Variants in CPSF6 observed in about 807,000 individuals in gnomAD.
The protein encoded by CPSF6 is cleavage and polyadenylation specific factor 6, also known as cleavage and polyadenylation specificity factor subunit 6.
In CPSF6, 10 loss-of-function variants were observed where a neutral mutation model predicts 56.7. The observed-to-expected ratio is 0.18, with a 90% CI of 0.11 to 0.30. The LOEUF (loss-of-function observed/expected upper bound fraction) is 0.30. Among genes scored for constraint, CPSF6 ranks in the 10% least tolerant of loss-of-function variants. CPSF6 has a pLI of 1.00. For synonymous variants in CPSF6, 248 were observed against 244.8 expected (o/e 1.01, Z -0.12); for missense variants, 419 against 722.9 (o/e 0.58, Z 4.82).
chr12:69,265,692 T>C (rs1476836915), intron 9 of CPSF6, among the ~76,000 whole-genome samples: 1 of 145,618 alleles, frequency 6.9e-6, no homozygotes, highest in East Asian at 2.1e-4. Context: ...AACCTTCACC[T>C]CCTGGGTTCA....
chr12:69,239,611 G>C lies in CPSF6; in HGVS notation c.-36G>C, dbSNP rs770004412. 12 of 1,327,224 alleles carry C rather than the reference G, an allele frequency of 9.0e-6. No individual in the cohort carries two copies. Among genetic ancestry groups the C allele is most frequent in the Admixed American group, 2.3e-5 (1 of 43,506 alleles). The allele number at this position is 1,327,224 out of a possible 1,614,324, so 82.2% of individuals were successfully genotyped here. ...TGCCGCGGCGGGCAGACCTGCAGGA[G>C]GCGGCGGCGGCGGCGGCGGCCGAGG... On this transcript the variant is annotated 5_prime_UTR_variant, in exon 1 of 10. Coordinates refer to ENST00000435070, the MANE Select transcript of CPSF6 (RefSeq NM_007007.3).
intron 1 of CPSF6, among the ~76,000 whole-genome samples, chr12:69,250,070 G>A (rs1417889787): frequency 6.6e-6 from 1 of 152,032 alleles, no homozygotes; most frequent in Non-Finnish European, 1.5e-5. Flanking sequence ...TGTTCTACAT[G>A]TATTTCGTTT....
At chr12:69,267,113 G>C (rs1873027341) in intron 9 of CPSF6, among the ~76,000 whole-genome samples, 1 of 151,990 alleles carries the variant, frequency 6.6e-6, no homozygotes, top group South Asian at 2.1e-4. Context: ...AGTTAGTAGT[G>C]CATCTCTAAA....
At chr12:69,252,602 T>G (rs991824039) in intron 2 of CPSF6, among the ~76,000 whole-genome samples, 1 of 152,190 alleles carries the variant, frequency 6.6e-6, no homozygotes, top group African/African-American at 2.4e-5. Context: ...CTTATATGGT[T>G]GTTATAAGAG....
In CPSF6 at chr12:69,239,572, A is replaced by G. The variant is rs897732534; in HGVS notation, c.-75A>G. 2 of 1,496,244 alleles carry G rather than the reference A, an allele frequency of 1.3e-6. No individual in the cohort carries two copies. Among genetic ancestry groups the G allele is most frequent in the Non-Finnish European group, 1.8e-6 (2 of 1,120,210 alleles). 92.7% of individuals were successfully genotyped at this position (1,496,244 alleles called of 1,614,324 possible). ...ACGCAAGCGCCCCCCCACCGCCGCT[A>G]GATCCGCTGCTGCTGCCGCGGCGGG... On this transcript the variant is annotated 5_prime_UTR_variant, in exon 1 of 10. Transcript: ENST00000435070.
In CPSF6 at chr12:69,270,217, G is replaced by T. The variant is rs1015689542; in HGVS notation, c.*709G>T. On this transcript the variant is annotated 3_prime_UTR_variant, in exon 10 of 10. Coordinates refer to ENST00000435070, the MANE Select transcript of CPSF6 (RefSeq NM_007007.3). ...TTTTCTAGCTGTTTTTACCTAGTTA[G>T]CTTGTGACTTTGCTGAATGGTATGT... 1 of 152,018 alleles carries T rather than the reference G, an allele frequency of 6.6e-6. No individual in the cohort carries two copies. Among genetic ancestry groups the T allele is most frequent in the Admixed American group, 6.6e-5 (1 of 15,216 alleles). 9.4% of individuals were successfully genotyped at this position (152,018 alleles called of 1,614,324 possible).
intron 2 of CPSF6, chr12:69,252,328 C>G: frequency 7.1e-6 from 2 of 280,454 alleles, no homozygotes; most frequent in South Asian, 6.3e-5. Context: ...AAGTGATCCT[C>G]CTAACCAAGC....
rs1404384002 is a variant in CPSF6, at chr12:69,272,799, T to G, written c.*3291T>G. The G allele has an allele frequency of 1.2e-5, 2 of 161,926 alleles. No homozygotes were observed. Among genetic ancestry groups the G allele is most frequent in the African/African-American group, 4.8e-5 (2 of 41,462 alleles). The allele number at this position is 161,926 out of a possible 1,614,324, so 10.0% of individuals were successfully genotyped here. A position where few individuals can be genotyped will look rare whatever the true frequency, so the allele number is the denominator to read the frequency against. On this transcript the variant is annotated 3_prime_UTR_variant, in exon 10 of 10. Coordinates refer to ENST00000435070, the MANE Select transcript of CPSF6 (RefSeq NM_007007.3). ...AAATGCACGCTTATCCAGTGTATAT[T>G]AGACATTTTTGTGCTAAAATATATT...
chr12:69,268,578 A>T (rs1327813721), intron 9 of CPSF6, among the ~76,000 whole-genome samples: 3 of 151,790 alleles, frequency 2.0e-5, no homozygotes, highest in East Asian at 1.9e-4. Context: ...AAATTTTAAA[A>T]AACCTTCTGC....
At chr12:69,259,363 C>G (rs1872649537) in intron 6 of CPSF6, 65 bp from the exon 7 acceptor site, 2 of 1,563,910 alleles carry the variant, frequency 1.3e-6, no homozygotes, top group African/African-American at 2.7e-5. Flanking sequence ...AATTGCTATA[C>G]ACTGTTGTGA....
In CPSF6 at chr12:69,258,198, G is replaced by A. The variant is rs77941676; in HGVS notation, c.694+293G>A. ...ACTTATATATAGAATATTTACATCCGTCTTACTTTCTTACCTCTTAAAAAA... is the reference window on the plus strand; with the variant it reads ...ACTTATATATAGAATATTTACATCCATCTTACTTTCTTACCTCTTAAAAAA... On this transcript the variant is annotated intron_variant, in intron 5 of 9. Coordinates refer to ENST00000435070, the MANE Select transcript of CPSF6 (RefSeq NM_007007.3). This position sits in a 1 kb window ranked among gnomAD's most constrained non-coding sequence, Gnocchi z 4.2. 7.4e-4 allele frequency: 741 copies of A among 995,990 alleles called. 7 individuals are homozygous for A. In the East Asian group the frequency reaches 0.015, roughly 20 times the overall value. 61.7% of individuals were successfully genotyped at this position (995,990 alleles called of 1,614,324 possible).
chr12:69,252,677 T>TAATTC (rs1410422296), intron 2 of CPSF6, among the ~76,000 whole-genome samples: 16 of 152,246 alleles, frequency 1.1e-4, no homozygotes, highest in Non-Finnish European at 2.4e-4. Context: ...ATCTGCATTT[T>TAATTC]AATTCAAAAA....
chr12:69,260,967 TAAATAAAAATTTCTCG>T, intron 8 of CPSF6, among the ~76,000 whole-genome samples: 1 of 152,342 alleles, frequency 6.6e-6, no homozygotes, highest in Middle Eastern at 3.4e-3. Context: ...GAATGAGTGC[TAAATAAAAATTTCTCG>T]AATGAGGGAG....
At position 69,262,425 on chromosome 12, in the gene CPSF6, C is replaced by T. The variant is rs780697376; in HGVS notation, c.1522C>T (p.Arg508Cys). ...DHSRSREKSR[R>C]HKSRSRDRHD... is the part of the protein sequence containing the mutation. Reference sequence around the variant, plus strand: ...TAGTAGATCACGAGAAAAGAGTCGACGTCATAAATCCCGTAGTAGAGACCG... The same window carrying T: ...TAGTAGATCACGAGAAAAGAGTCGATGTCATAAATCCCGTAGTAGAGACCG... The change falls in exon 9 of 10, where the codon CGT becomes TGT. Residue 508 changes from arginine to cysteine, a missense_variant. This residue lies in a region of CPSF6 where 81 missense variants were observed against 193.6 expected (regional missense o/e 0.42). Coordinates refer to ENST00000435070, the MANE Select transcript of CPSF6 (RefSeq NM_007007.3). 4 of 1,612,138 alleles carry T rather than the reference C, an allele frequency of 2.5e-6. No homozygotes were observed. Among genetic ancestry groups the T allele is most frequent in the Non-Finnish European group, 3.4e-6 (4 of 1,178,728 alleles).
chr12:69,251,358 G>T lies in CPSF6; in HGVS notation c.270+20G>T, dbSNP rs539324402. On this transcript the variant is annotated intron_variant, in intron 2 of 9. Transcript: ENST00000435070. ...ACATGGGTAAGTGAAGTTAATATAA[G>T]AATTAAATTATTGGTAATTGATTTT... 16 of 1,407,674 alleles carry T rather than the reference G, an allele frequency of 1.1e-5. No homozygotes were observed. In the East Asian group the frequency reaches 3.3e-4, roughly 29 times the overall value. The allele number at this position is 1,407,674 out of a possible 1,614,324, so 87.2% of individuals were successfully genotyped here. A position where few individuals can be genotyped will look rare whatever the true frequency, so the allele number is the denominator to read the frequency against.
intron 9 of CPSF6, among the ~76,000 whole-genome samples, chr12:69,268,007 T>A (rs1254257335): frequency 6.6e-6 from 1 of 151,792 alleles, no homozygotes; most frequent in Non-Finnish European, 1.5e-5. Context: ...CTTAATGACT[T>A]TTTATCCCTT....
In CPSF6 at chr12:69,258,168, G is replaced by T. The variant is rs1300720337; in HGVS notation, c.694+263G>T. ...AAGGTCTTTATTTTTCTCCAAACTTGCTTGACTTATATATAGAATATTTAC... is the reference window on the plus strand; with the variant it reads ...AAGGTCTTTATTTTTCTCCAAACTTTCTTGACTTATATATAGAATATTTAC... On this transcript the variant is annotated intron_variant, in intron 5 of 9. Transcript: ENST00000435070. The surrounding 1 kb of genome is among the most constrained non-coding windows in gnomAD (Gnocchi z 4.2). 5 of 1,282,192 alleles carry T rather than the reference G, an allele frequency of 3.9e-6. No homozygotes were observed. Among genetic ancestry groups the T allele is most frequent in the Non-Finnish European group, 5.4e-6 (5 of 918,980 alleles). The allele number at this position is 1,282,192 out of a possible 1,614,324, so 79.4% of individuals were successfully genotyped here. A position where few individuals can be genotyped will look rare whatever the true frequency, so the allele number is the denominator to read the frequency against.
intron 1 of CPSF6, among the ~76,000 whole-genome samples, chr12:69,241,760 A>T (rs1225119447): frequency 1.3e-5 from 2 of 152,166 alleles, no homozygotes; most frequent in East Asian, 3.8e-4. Flanking sequence ...CGTCTAACAC[A>T]GTTGTATAAT....
In CPSF6 at chr12:69,260,205, T is replaced by C. The variant is rs756502605; in HGVS notation, c.1469+8T>C. Reference sequence around the variant, plus strand: ...TTATGGTTCTGGATCAAGGTAAAACTTTCCTGTCTCATTTCCATTTAAAAA... The same window carrying C: ...TTATGGTTCTGGATCAAGGTAAAACCTTCCTGTCTCATTTCCATTTAAAAA... On this transcript the variant is annotated splice_region_variant and intron_variant, in intron 8 of 9. Transcript: ENST00000435070. The C allele has an allele frequency of 7.1e-6, 11 of 1,553,792 alleles. No homozygotes were observed. The highest frequency in any genetic ancestry group is 8.7e-6 in the Non-Finnish European group (10 of 1,153,438).
Sources: allele counts gnomAD v4.1 joint callset (sites outside exome capture counted in the v4.1 genomes callset), GRCh38; gene constraint gnomAD v4.1.1; regional missense constraint gnomAD v4.1.1; non-coding constraint Gnocchi (gnomAD v3.1); transcripts MANE v1.5; gene names NCBI Gene and HGNC (gene_info 2026-07-23, HGNC 2026-07-21).